Variants in FAM118A observed in about 807,000 individuals in gnomAD.
The protein encoded by FAM118A is protein FAM118A.
A neutral mutation model predicts 38.2 loss-of-function variants in FAM118A; 25 were observed. The ratio of observed to expected loss-of-function variants is 0.65; its 90% CI spans 0.48 to 0.91. The LOEUF is 0.91. Among genes scored for constraint, FAM118A ranks in the 40% least tolerant of loss-of-function variants. The pLI is 0.00. For missense variants in FAM118A, 425 were observed against 463.3 expected, an observed-to-expected ratio of 0.92 and a Z score of 0.76; for synonymous variants, 178 against 184.1, an observed-to-expected ratio of 0.97 and a Z score of 0.27.
rs1270736797 is a variant in FAM118A at position 45,341,700 on chromosome 22, AG to A, written c.*1298del. On this transcript the variant is annotated 3_prime_UTR_variant, in exon 9 of 9. Coordinates refer to ENST00000441876, the MANE Select transcript of FAM118A (RefSeq NM_017911.4). The stretch of plus-strand genomic sequence containing the variant: ...CGGTGCATGAGCGGCCCTACAGTGG[AG>A]GGTTCTCTTTGGAAACAAACAGCCC... The A allele has an allele frequency of 6.6e-6, 1 of 152,032 alleles. No homozygotes were observed. The highest frequency in any genetic ancestry group is 1.5e-5 in the Non-Finnish European group (1 of 68,014). 9.4% of individuals were successfully genotyped at this position (152,032 alleles called of 1,614,324 possible). A position where few individuals can be genotyped will look rare whatever the true frequency, so the allele number is the denominator to read the frequency against.
intron 8 of FAM118A, among the ~76,000 whole-genome samples, chr22:45,339,901 A>C (rs538333730): frequency 1.3e-5 from 2 of 152,202 alleles, no homozygotes; most frequent in South Asian, 4.2e-4. Flanking sequence ...AGACGCCATC[A>C]CCTGCACCTG....
At chr22:45,322,147 C>G (rs563987228) in intron 1 of FAM118A, 1 of 1,477,864 alleles carries the variant, frequency 6.8e-7, no homozygotes, top group South Asian at 1.2e-5. Context: ...CCGTGTAGAA[C>G]AGCGAGAGTC....
chr22:45,324,619 C>T (rs1279356392), intron 3 of FAM118A, among the ~76,000 whole-genome samples: 1 of 152,194 alleles, frequency 6.6e-6, no homozygotes, highest in African/African-American at 2.4e-5. Flanking sequence ...CAGCCTTGGG[C>T]CTGTTTTTGC....
At chr22:45,332,868 C>T (rs999672347) in intron 6 of FAM118A, among the ~76,000 whole-genome samples, 158 bp downstream of exon 6, 6 of 151,824 alleles carry the variant, frequency 4.0e-5, no homozygotes, top group African/African-American at 1.5e-4. Flanking sequence ...CTCAGCCTTC[C>T]GAGTAGCTGG....
At chr22:45,325,252 C>A (rs890298766) in intron 3 of FAM118A, among the ~76,000 whole-genome samples, 9 of 152,168 alleles carry the variant, frequency 5.9e-5, no homozygotes, top group Admixed American at 2.0e-4. Flanking sequence ...CATCATTCAA[C>A]TCTTCTGTTC....
intron 8 of FAM118A, 130 bp from the exon 9 acceptor site, chr22:45,340,256 T>A: frequency 2.0e-6 from 2 of 980,380 alleles, no homozygotes; most frequent in Non-Finnish European, 3.2e-6. Context: ...GTTTCCATTG[T>A]GGAGGGGTTT....
intron 7 of FAM118A, among the ~76,000 whole-genome samples, chr22:45,335,743 C>T (rs372604586): frequency 3.9e-5 from 6 of 152,218 alleles, no homozygotes; most frequent in East Asian, 1.9e-4. Flanking sequence ...CCGAAATGTT[C>T]GTTGCACGGG....
At chr22:45,336,503 G>A in intron 8 of FAM118A, 92 bp downstream of exon 8, 1 of 951,316 alleles carries the variant, frequency 1.1e-6, no homozygotes, top group Non-Finnish European at 1.6e-6. Flanking sequence ...AATGCCCCGC[G>A]CCCTATGGTG....
At chr22:45,315,253 A>G (rs2084553628) in intron 1 of FAM118A, among the ~76,000 whole-genome samples, 1 of 152,214 alleles carries the variant, frequency 6.6e-6, no homozygotes, top group South Asian at 2.1e-4. Context: ...TATTTCCATC[A>G]TTACAAAATA....
chr22:45,338,987 G>A (rs1043610005), intron 8 of FAM118A, among the ~76,000 whole-genome samples: 5 of 152,258 alleles, frequency 3.3e-5, no homozygotes, highest in African/African-American at 7.2e-5. Flanking sequence ...GGTGGCAGGG[G>A]GTGGGGGCGC....
chr22:45,337,083 G>A (rs924629401), intron 8 of FAM118A, among the ~76,000 whole-genome samples: 3 of 152,110 alleles, frequency 2.0e-5, no homozygotes, highest in African/African-American at 7.2e-5. Context: ...GCGTAGTGCT[G>A]TGTGTTATTT....
At chr22:45,333,095 C>T (rs2085841337) in intron 6 of FAM118A, among the ~76,000 whole-genome samples, 1 of 152,118 alleles carries the variant, frequency 6.6e-6, no homozygotes, top group Non-Finnish European at 1.5e-5. Context: ...TTGTTTCTCT[C>T]TGTCTTTTTT....
intron 1 of FAM118A, among the ~76,000 whole-genome samples, chr22:45,314,909 A>C (rs1198693244): frequency 1.3e-5 from 2 of 152,250 alleles, no homozygotes. Flanking sequence ...GAAAGGCGCA[A>C]GAATATATAA....
intron 4 of FAM118A, chr22:45,328,769 C>T: frequency 2.8e-6 from 1 of 355,638 alleles, no homozygotes. Flanking sequence ...GAGAGTGAGA[C>T]CCTGTCTCAA....
chr22:45,333,491 G>A (rs994847006), intron 6 of FAM118A, among the ~76,000 whole-genome samples: 5 of 152,050 alleles, frequency 3.3e-5, no homozygotes, highest in East Asian at 1.9e-4. Context: ...TGGCTAACAC[G>A]GTGAAACCCC....
At chr22:45,335,822 C>T (rs1346213979) in intron 7 of FAM118A, among the ~76,000 whole-genome samples, 1 of 152,226 alleles carries the variant, frequency 6.6e-6, no homozygotes, top group Non-Finnish European at 1.5e-5. Context: ...TCTTGCTGGG[C>T]TCAATTCTGC....
intron 3 of FAM118A, among the ~76,000 whole-genome samples, 180 bp from the exon 4 acceptor site, chr22:45,327,662 T>C (rs929202472): frequency 6.6e-6 from 1 of 152,174 alleles, no homozygotes; most frequent in African/African-American, 2.4e-5. Flanking sequence ...GCGTCACCGG[T>C]GGCGTGCTAC....
At chr22:45,321,923 T>C (rs1276208336) in intron 1 of FAM118A, 2 of 303,680 alleles carry the variant, frequency 6.6e-6, no homozygotes, top group African/African-American at 4.4e-5. Flanking sequence ...CTCTGCACCT[T>C]AGAGCACTCG....
At chr22:45,330,370 C>T (rs968522522) in intron 4 of FAM118A, 2 of 280,692 alleles carry the variant, frequency 7.1e-6, no homozygotes, top group African/African-American at 4.4e-5. Flanking sequence ...GCGCTAACAG[C>T]CGATCCTCTC....
Sources: allele counts gnomAD v4.1 joint callset (sites outside exome capture counted in the v4.1 genomes callset), GRCh38; gene constraint gnomAD v4.1.1; transcripts MANE v1.5; gene names NCBI Gene and HGNC (gene_info 2026-07-23, HGNC 2026-07-21).